The following PRKG1 variants were observed in gnomAD, a reference collection of about 807,000 sequenced individuals.
PRKG1 encodes cGMP-dependent protein kinase 1.
PRKG1 carries 35 observed loss-of-function variants against 88.1 expected under a neutral mutation model. The ratio of observed to expected loss-of-function variants is 0.40; its 90% CI spans 0.30 to 0.53. The LOEUF is 0.53. PRKG1 is among the 20% of genes least tolerant of loss of function. The pLI is 0.59. For missense variants in PRKG1, 540 were observed against 839.8 expected (o/e 0.64, Z 4.41); for synonymous variants, 303 against 292.5 (o/e 1.04, Z -0.37).
At chr10:51,812,623 G>A (rs1332625081) in intron 4 of PRKG1, among the ~76,000 whole-genome samples, 1 of 152,126 alleles carries the variant, frequency 6.6e-6, no homozygotes, top group Non-Finnish European at 1.5e-5. Context: ...AAAGTGCTTT[G>A]GAGCTTTTTC....
At chr10:51,921,930 A>G in intron 5 of PRKG1, among the ~76,000 whole-genome samples, 1 of 151,986 alleles carries the variant, frequency 6.6e-6, no homozygotes, top group East Asian at 1.9e-4. Context: ...GTCTCAGAGA[A>G]TGAAGTAGAA....
intron 3 of PRKG1, among the ~76,000 whole-genome samples, chr10:51,538,444 A>G (rs1320397912): frequency 2.4e-5 from 3 of 125,614 alleles, no homozygotes; most frequent in Non-Finnish European, 5.0e-5. Flanking sequence ...ATAATAATGT[A>G]TTATATATTA....
At chr10:51,285,029 A>G (rs1340153592) in intron 2 of PRKG1, among the ~76,000 whole-genome samples, 2 of 58,266 alleles carry the variant, frequency 3.4e-5, no homozygotes, top group African/African-American at 6.3e-5. Flanking sequence ...ATATCTCCCA[A>G]TGCTACCCCT....
chr10:51,098,036 T>C (rs1255899706), intron 1 of PRKG1, among the ~76,000 whole-genome samples: 1 of 152,212 alleles, frequency 6.6e-6, no homozygotes, highest in Non-Finnish European at 1.5e-5. Context: ...GTTCTCACTA[T>C]GCCCCTTAGC....
chr10:52,166,705 G>A (rs1214682603), intron 9 of PRKG1, among the ~76,000 whole-genome samples: 3 of 147,504 alleles, frequency 2.0e-5, no homozygotes, highest in African/African-American at 4.9e-5. Flanking sequence ...TTTCTGACGT[G>A]TATAGCTTGT....
At position 51,423,030 on chromosome 10, in the gene PRKG1, C is replaced by T. The variant is rs149650095; in HGVS notation, c.479-44693C>T. Among the ~76,000 whole-genome samples the T allele has an allele frequency of 6.4e-3, 966 of 150,680 alleles. 10 individuals carry two copies. The highest frequency in any genetic ancestry group is 0.022 in the African/African-American group (906 of 40,950). On this transcript the variant is annotated intron_variant, in intron 2 of 17. Coordinates refer to ENST00000373980, the MANE Select transcript of PRKG1 (RefSeq NM_006258.4). The stretch of plus-strand genomic sequence containing the variant: ...AAAACACCAATGTACCGGTTCCTTA[C>T]TTATAGAAGCCAAATAATAGTGGTT...
intron 9 of PRKG1, among the ~76,000 whole-genome samples, chr10:52,235,585 G>A (rs1161944654): frequency 1.4e-5 from 2 of 138,114 alleles, no homozygotes; most frequent in African/African-American, 5.5e-5. Context: ...TTACATAATG[G>A]TAAAGGGATC....
At chr10:52,213,634 G>A (rs1840038558) in intron 9 of PRKG1, among the ~76,000 whole-genome samples, 1 of 152,216 alleles carries the variant, frequency 6.6e-6, no homozygotes, top group Admixed American at 6.5e-5. Context: ...GTTCAACTAA[G>A]TAGCTTAGTA....
At chr10:52,239,047 C>T (rs2132372181) in intron 9 of PRKG1, among the ~76,000 whole-genome samples, 1 of 112,520 alleles carries the variant, frequency 8.9e-6, no homozygotes, top group South Asian at 3.5e-4. Flanking sequence ...TGGAAATCAT[C>T]ATTCTCAGTA....
intron 9 of PRKG1, among the ~76,000 whole-genome samples, chr10:52,233,439 G>A (rs1363925099): frequency 1.0e-4 from 15 of 149,516 alleles, no homozygotes; most frequent in African/African-American, 1.7e-4. Flanking sequence ...GACAGTGGGC[G>A]CAGGCCAGTG....
Position 52,294,683 on chromosome 10 carries a change from A to C in PRKG1, c.*783A>C, listed in dbSNP as rs1006064532. The C allele has an allele frequency of 1.3e-5, 2 of 152,490 alleles. No homozygotes were observed. The highest frequency in any genetic ancestry group is 4.8e-5 in the African/African-American group (2 of 41,410). The allele number at this position is 152,490 out of a possible 1,614,324, so 9.4% of individuals were successfully genotyped here. A position where few individuals can be genotyped will look rare whatever the true frequency, so the allele number is the denominator to read the frequency against. ...AAAGCAATTCACAAAACCATTTCAT[A>C]TTTTTTAAAATATTGTGCTTAAAGA... is the stretch of plus-strand genomic sequence containing the variant. On this transcript the variant is annotated 3_prime_UTR_variant, in exon 18 of 18. Transcript: ENST00000373980.
chr10:51,356,340 G>T (rs1027271310), intron 2 of PRKG1, among the ~76,000 whole-genome samples: 2 of 151,890 alleles, frequency 1.3e-5, no homozygotes, highest in African/African-American at 4.8e-5. Flanking sequence ...CCCATGCTCA[G>T]GGAGAAAAAT....
chr10:52,037,913 G>A (rs1445061087), intron 5 of PRKG1, among the ~76,000 whole-genome samples: 2 of 151,870 alleles, frequency 1.3e-5, no homozygotes, highest in Non-Finnish European at 2.9e-5. Flanking sequence ...GGACAGGCGG[G>A]AGGGAAAGAA....
intron 5 of PRKG1, among the ~76,000 whole-genome samples, chr10:51,973,590 G>A (rs1355080511): frequency 6.6e-6 from 1 of 152,152 alleles, no homozygotes; most frequent in Non-Finnish European, 1.5e-5. Context: ...CCTCCATAGT[G>A]CTCTTGGCAT....
chr10:52,227,028 AT>A (rs1329966238), intron 9 of PRKG1, among the ~76,000 whole-genome samples: 1 of 152,190 alleles, frequency 6.6e-6, no homozygotes, highest in Non-Finnish European at 1.5e-5. Context: ...TAATTGGAGA[AT>A]TTTAACATCT....
chr10:52,062,734 T>C (rs986667492), intron 7 of PRKG1, 103 bp downstream of exon 7: 23 of 813,052 alleles, frequency 2.8e-5, no homozygotes, highest in Middle Eastern at 2.2e-4. Context: ...TTAGTGCTTA[T>C]CTCAATATCA....
intron 10 of PRKG1, among the ~76,000 whole-genome samples, chr10:52,268,565 T>C (rs1841634154): frequency 6.6e-6 from 1 of 152,064 alleles, no homozygotes; most frequent in African/African-American, 2.4e-5. Context: ...GTTCAGTTTA[T>C]CTCACAGTCC....
intron 4 of PRKG1, among the ~76,000 whole-genome samples, chr10:51,813,050 C>A (rs948805672): frequency 6.6e-6 from 1 of 152,180 alleles, no homozygotes; most frequent in African/African-American, 2.4e-5. Flanking sequence ...GTTGATGTTT[C>A]AAGTTGTCTC....
At chr10:51,921,478 T>C (rs547597189) in intron 5 of PRKG1, among the ~76,000 whole-genome samples, 12 of 152,264 alleles carry the variant, frequency 7.9e-5, no homozygotes, top group Admixed American at 5.9e-4. Flanking sequence ...GGGGACATCC[T>C]TGTCTTGGTT....
Sources: allele counts gnomAD v4.1 joint callset (sites outside exome capture counted in the v4.1 genomes callset), GRCh38; gene constraint gnomAD v4.1.1; transcripts MANE v1.5; gene names NCBI Gene and HGNC (gene_info 2026-07-23, HGNC 2026-07-21).